UGT1A5: variants seen among roughly 807,000 people sequenced by gnomAD.
UGT1A5 encodes the protein UDP glucuronosyltransferase family 1 member A5.
In UGT1A5, 29 loss-of-function variants were observed where a neutral mutation model predicts 40.3. The ratio of observed to expected loss-of-function variants is 0.72; its 90% CI spans 0.54 to 0.98. UGT1A5 has a LOEUF of 0.98. UGT1A5 is among the 50% of genes least tolerant of loss of function. The probability of loss-of-function intolerance (pLI) is 0.00; values close to 1 mark genes in which losing one functional copy is unlikely to be tolerated. For missense variants in UGT1A5, 678 were observed against 677.9 expected, an observed-to-expected ratio of 1.00 and a Z score of 0.00; for synonymous variants, 257 against 262.5, an observed-to-expected ratio of 0.98 and a Z score of 0.20.
intron 1 of UGT1A5, among the ~76,000 whole-genome samples, chr2:233,738,666 G>A (rs919948655): frequency 6.6e-6 from 1 of 152,198 alleles, no homozygotes; most frequent in Non-Finnish European, 1.5e-5. Flanking sequence ...GAACTTGAGA[G>A]AGATGATCTG....
intron 1 of UGT1A5, chr2:233,761,067 T>C (rs1431222562): frequency 6.2e-7 from 1 of 1,614,228 alleles, no homozygotes; most frequent in African/African-American, 1.3e-5. Flanking sequence ...GAAGTGACTT[T>C]GTGAAGGATT....
chr2:233,747,538 C>A lies in UGT1A5; in HGVS notation c.868-19496C>A. The stretch of plus-strand genomic sequence containing the variant: ...TTTGAAACAGAACATTTTCTGAAGA[C>A]ATTTTCTAAAAGTATGGCAATTTTG... On this transcript the variant is annotated intron_variant, in intron 1 of 4. Transcript: ENST00000373414. The A allele has an allele frequency of 3.7e-6, 6 of 1,604,366 alleles. No individual in the cohort carries two copies. The East Asian group carries it at 8.9e-5, about 24-fold the overall frequency.
At chr2:233,767,287 C>A in intron 2 of UGT1A5, 122 bp downstream of exon 2, 1 of 1,567,668 alleles carries the variant, frequency 6.4e-7, no homozygotes, top group East Asian at 2.3e-5. Flanking sequence ...CTGCCACTTC[C>A]CAACTATTAA....
rs145239529 is a variant in UGT1A5, at chr2:233,769,464, CGT to C, written c.1307+1039_1307+1040del. ...GGGTGCACACGTGTGCATTCATATGCGTGTGTGTGTGTGTGCGTGTGTTTATG... is the reference window on the plus strand; with the variant it reads ...GGGTGCACACGTGTGCATTCATATGCGTGTGTGTGTGTGCGTGTGTTTATG... On this transcript the variant is annotated intron_variant, in intron 4 of 4. Transcript: ENST00000373414. The surrounding 1 kb of genome is among the most constrained non-coding windows in gnomAD (Gnocchi z 4.4). 2,957 of 1,414,482 alleles carry C rather than the reference CGT, an allele frequency of 2.1e-3. No individual in the cohort carries two copies. Among genetic ancestry groups the C allele is most frequent in the Admixed American group, 4.4e-3 (235 of 53,304 alleles). The allele number at this position is 1,414,482 out of a possible 1,614,324, so 87.6% of individuals were successfully genotyped here. A position where few individuals can be genotyped will look rare whatever the true frequency, so the allele number is the denominator to read the frequency against.
At chr2:233,723,515 T>C (rs1475684057) in intron 1 of UGT1A5, among the ~76,000 whole-genome samples, 1,226 of 106,738 alleles carry the variant, frequency 0.011, 61 homozygotes, top group African/African-American at 0.052. Flanking sequence ...TGGTCAACAA[T>C]CTTTTTTTTT....
At chr2:233,754,930 G>C (rs1387383656) in intron 1 of UGT1A5, 3 of 1,344,668 alleles carry the variant, frequency 2.2e-6, no homozygotes, top group Non-Finnish European at 2.0e-6. Context: ...TTTCCCAAGA[G>C]GTCAAAGGAG....
chr2:233,764,795 T>A (rs148070412), intron 1 of UGT1A5, among the ~76,000 whole-genome samples: 1 of 152,200 alleles, frequency 6.6e-6, no homozygotes, highest in East Asian at 1.9e-4. Flanking sequence ...CCTCAGGGTG[T>A]TCTTGCTACA....
intron 1 of UGT1A5, among the ~76,000 whole-genome samples, chr2:233,720,365 G>C (rs920594093): frequency 6.6e-6 from 1 of 152,064 alleles, no homozygotes; most frequent in East Asian, 1.9e-4. Context: ...ATGTCAAAAG[G>C]GTCTTCTACT....
At chr2:233,721,606 C>T (rs1043491978) in intron 1 of UGT1A5, 10 of 177,852 alleles carry the variant, frequency 5.6e-5, no homozygotes, top group Middle Eastern at 2.3e-3. Flanking sequence ...GGTTTAGGAA[C>T]AATTTGTTCC....
chr2:233,750,237 A>G (rs766063070), intron 1 of UGT1A5, among the ~76,000 whole-genome samples: 1 of 151,900 alleles, frequency 6.6e-6, no homozygotes, highest in Non-Finnish European at 1.5e-5. Flanking sequence ...ACTTATTGGG[A>G]ACTGGAACAA....
chr2:233,718,866 C>G (rs2125663221), intron 1 of UGT1A5: 8 of 1,613,892 alleles, frequency 5.0e-6, no homozygotes, highest in South Asian at 1.1e-5. Context: ...GGCCACAGGA[C>G]TGCTGCTCCT....
chr2:233,719,742 A>T (rs2076802630), intron 1 of UGT1A5: 1 of 1,613,130 alleles, frequency 6.2e-7, no homozygotes, highest in Non-Finnish European at 8.5e-7. Flanking sequence ...CTTTTTAAAA[A>T]ATGTATTTAC....
At chr2:233,748,096 T>A in intron 1 of UGT1A5, 1 of 1,612,812 alleles carries the variant, frequency 6.2e-7, no homozygotes, top group Non-Finnish European at 8.5e-7. Flanking sequence ...GTTCGTGCCT[T>A]CATCCAATCA....
At chr2:233,733,279 T>C (rs2078376954) in intron 1 of UGT1A5, among the ~76,000 whole-genome samples, 1 of 152,208 alleles carries the variant, frequency 6.6e-6, no homozygotes, top group Non-Finnish European at 1.5e-5. Flanking sequence ...CTTCCTCTTT[T>C]CCTAATTGAA....
chr2:233,730,126 G>T, intron 1 of UGT1A5: 1 of 1,542,516 alleles, frequency 6.5e-7, no homozygotes, highest in Non-Finnish European at 8.7e-7. Flanking sequence ...TGTCATAATA[G>T]CCTTCAGTGA....
chr2:233,742,265 C>A (rs1188794334), intron 1 of UGT1A5, among the ~76,000 whole-genome samples: 2 of 151,928 alleles, frequency 1.3e-5, no homozygotes, highest in Non-Finnish European at 2.9e-5. Context: ...TGACAGCAAG[C>A]CTGTGATAAG....
Position 233,769,593 on chromosome 2 carries a change from G to A in UGT1A5, c.1307+1154G>A, listed in dbSNP as rs748291102. The A allele has an allele frequency of 1.9e-5, 30 of 1,612,700 alleles. No homozygotes were observed. The East Asian group carries it at 4.2e-4, about 23-fold the overall frequency. On this transcript the variant is annotated intron_variant, in intron 4 of 4. Coordinates refer to ENST00000373414, the MANE Select transcript of UGT1A5 (RefSeq NM_019078.2). The surrounding 1 kb of genome is among the most constrained non-coding windows in gnomAD (Gnocchi z 4.4). ...GGAGCATGTTCAGATGAGAGGAGAC[G>A]GAACACGGGGACACACCAGCTTGAG... is the stretch of plus-strand genomic sequence containing the variant.
intron 1 of UGT1A5, among the ~76,000 whole-genome samples, chr2:233,749,150 C>G (rs1694128023): frequency 6.6e-6 from 1 of 151,782 alleles, no homozygotes; most frequent in Non-Finnish European, 1.5e-5. Flanking sequence ...ACTTCCATGA[C>G]TTGATCCTTT....
intron 1 of UGT1A5, among the ~76,000 whole-genome samples, chr2:233,754,013 A>G (rs1002247904): frequency 2.0e-5 from 3 of 152,240 alleles, no homozygotes; most frequent in African/African-American, 7.2e-5. Flanking sequence ...TGTTACAGCC[A>G]TGATAGGAAA....
Sources: allele counts gnomAD v4.1 joint callset (sites outside exome capture counted in the v4.1 genomes callset), GRCh38; gene constraint gnomAD v4.1.1; non-coding constraint Gnocchi (gnomAD v3.1); transcripts MANE v1.5; gene names NCBI Gene and HGNC (gene_info 2026-07-23, HGNC 2026-07-21).